Variants in MYO5B observed in about 807,000 individuals in gnomAD.
The protein encoded by MYO5B is myosin VB.
In MYO5B, 143 loss-of-function variants were observed where a neutral mutation model predicts 229.3. The observed-to-expected ratio is 0.62, with a 90% CI of 0.54 to 0.72. The LOEUF (loss-of-function observed/expected upper bound fraction) is 0.72. MYO5B is among the 30% of genes least tolerant of loss of function. The pLI is 0.00. For missense variants in MYO5B, 2,321 were observed against 2,331.0 expected (o/e 1.00, Z 0.09); for synonymous variants, 918 against 885.2 (o/e 1.04, Z -0.66).
chr18:50,123,227 C>T (rs2032100171), intron 1 of MYO5B, among the ~76,000 whole-genome samples: 1 of 152,046 alleles, frequency 6.6e-6, no homozygotes, highest in South Asian at 2.1e-4. Flanking sequence ...ATGAAATATC[C>T]AGAATACACA....
chr18:49,990,357 G>T, intron 7 of MYO5B, 82 bp downstream of exon 7: 1 of 1,178,484 alleles, frequency 8.5e-7, no homozygotes, highest in Non-Finnish European at 1.3e-6. Context: ...CCATGACGGA[G>T]GGCTTTGAGC....
chr18:49,947,760 C>A (rs2025390404), intron 14 of MYO5B, among the ~76,000 whole-genome samples: 1 of 152,152 alleles, frequency 6.6e-6, no homozygotes, highest in Non-Finnish European at 1.5e-5. Flanking sequence ...TTGTTTAAAA[C>A]CTGTACATAG....
chr18:49,932,666 A>AAAAC (rs369317526), intron 16 of MYO5B, among the ~76,000 whole-genome samples: 171 of 152,288 alleles, frequency 1.1e-3, no homozygotes, highest in African/African-American at 3.1e-3. Flanking sequence ...CTATGTTACA[A>AAAAC]AAACAAACAA....
At chr18:50,143,190 A>G (rs1053773840) in intron 1 of MYO5B, among the ~76,000 whole-genome samples, 6 of 152,236 alleles carry the variant, frequency 3.9e-5, no homozygotes, top group Non-Finnish European at 8.8e-5. Flanking sequence ...TTGACAAACT[A>G]GTGAGTACTC....
At chr18:49,875,942 A>C in intron 25 of MYO5B, 115 bp from the exon 26 acceptor site, 1 of 1,225,442 alleles carries the variant, frequency 8.2e-7, no homozygotes, top group Non-Finnish European at 1.2e-6. Flanking sequence ...CTCCTCCCAA[A>C]CATCAATTTG....
At chr18:49,944,318 C>T (rs750302994) in intron 14 of MYO5B, among the ~76,000 whole-genome samples, 3 of 152,086 alleles carry the variant, frequency 2.0e-5, no homozygotes, top group Non-Finnish European at 4.4e-5. Context: ...GTCCAAGCAA[C>T]AATGCACCAC....
At chr18:49,968,033 C>T (rs1338799513) in intron 10 of MYO5B, among the ~76,000 whole-genome samples, 1 of 152,170 alleles carries the variant, frequency 6.6e-6, no homozygotes, top group African/African-American at 2.4e-5. Flanking sequence ...GTATGGCGAT[C>T]CTCTCCCAAC....
intron 26 of MYO5B, among the ~76,000 whole-genome samples, chr18:49,872,949 A>T (rs201936682): frequency 6.6e-6 from 1 of 152,202 alleles, no homozygotes; most frequent in East Asian, 1.9e-4. Flanking sequence ...CTCTAGTAAC[A>T]AGGCTAACAA....
intron 3 of MYO5B, among the ~76,000 whole-genome samples, chr18:50,038,406 G>T (rs574393717): frequency 1.9e-4 from 29 of 152,290 alleles, no homozygotes; most frequent in African/African-American, 5.8e-4. Flanking sequence ...GGGTAAAAAA[G>T]ACACTCAAGT....
At chr18:49,858,918 G>A (rs540839485) in intron 29 of MYO5B, among the ~76,000 whole-genome samples, 17 of 152,340 alleles carry the variant, frequency 1.1e-4, no homozygotes, top group African/African-American at 3.6e-4. Flanking sequence ...GGGAGGGAGC[G>A]CCACCTCCTG....
intron 12 of MYO5B, among the ~76,000 whole-genome samples, chr18:49,957,093 T>C (rs2025500804): frequency 8.5e-6 from 1 of 118,238 alleles, no homozygotes; most frequent in African/African-American, 3.3e-5. Context: ...TTAAAGCTGT[T>C]AAAAATACAT....
Position 49,984,701 on chromosome 18 carries a change from A to T in MYO5B, c.946+17T>A. On this transcript the variant is annotated intron_variant, in intron 8 of 39. Coordinates refer to ENST00000285039, the MANE Select transcript of MYO5B (RefSeq NM_001080467.3). ...TCAGCCCTCGGGGCCTGCTTCCCCA[A>T]CTAAGAAGCTCCTTACCGAGGAGTG... 1 of 1,580,318 alleles carries T rather than the reference A, an allele frequency of 6.3e-7. No homozygotes were observed. Among genetic ancestry groups the T allele is most frequent in the East Asian group, 2.2e-5 (1 of 44,706 alleles).
rs199709301 is a variant in MYO5B at position 49,853,469 on chromosome 18, G to A, written c.4201C>T (p.Arg1401Trp). The part of the protein sequence containing the change: ...VEFGVQQEIS[R>W]LTNENLDLKE... ...CCCACCAGATTCTCGTTGGTCAGCC[G>A]GGATATTTCCTGCTGAACGCCGAAT... is the stretch of plus-strand genomic sequence containing the variant. The change falls in exon 31 of 40, where the codon CGG (arginine) becomes TGG (tryptophan). Residue 1401 changes from arginine to tryptophan, a missense_variant. By Grantham distance (101) the Arg-to-Trp change is moderately radical. Transcript: ENST00000285039. 79 of 1,613,714 alleles carry A rather than the reference G, an allele frequency of 4.9e-5. No individual in the cohort carries two copies. Among genetic ancestry groups the A allele is most frequent in the Non-Finnish European group, 6.4e-5 (75 of 1,179,968 alleles).
chr18:50,136,364 C>CTTTTTTTTTTTTTTTTTTTTTTCTT (rs11426659), intron 1 of MYO5B, among the ~76,000 whole-genome samples: 1 of 131,780 alleles, frequency 7.6e-6, no homozygotes, highest in Non-Finnish European at 1.6e-5. Context: ...TTTTTTTTTA[C>CTTTTTTTTTTTTTTTTTTTTTTCTT]TTTTTTTTTT....
intron 1 of MYO5B, among the ~76,000 whole-genome samples, chr18:50,117,693 A>G (rs1173975806): frequency 6.6e-6 from 1 of 152,124 alleles, no homozygotes; most frequent in African/African-American, 2.4e-5. Flanking sequence ...CCAGCACAGC[A>G]GGAGAGAAAG....
At chr18:49,917,691 G>A (rs1364900900) in intron 17 of MYO5B, among the ~76,000 whole-genome samples, 3 of 152,182 alleles carry the variant, frequency 2.0e-5, no homozygotes, top group Admixed American at 6.5e-5. Context: ...AATGGTGGGA[G>A]AAGAGCCCTC....
intron 17 of MYO5B, among the ~76,000 whole-genome samples, chr18:49,920,089 T>C (rs983273228): frequency 1.3e-5 from 2 of 152,224 alleles, no homozygotes; most frequent in Non-Finnish European, 2.9e-5. Context: ...ATTCCATTTA[T>C]ATGAAAAATC....
At chr18:49,992,520 T>TG in intron 5 of MYO5B, 89 bp from the exon 6 acceptor site, 2 of 1,570,402 alleles carry the variant, frequency 1.3e-6, no homozygotes, top group Non-Finnish European at 1.8e-6. Context: ...TGTGTCCCCT[T>TG]TCTCTTCCTT....
In MYO5B at chr18:49,902,766, A is replaced by T; in HGVS notation, c.2639T>A (p.Phe880Tyr). The T allele has an allele frequency of 2.5e-6, 4 of 1,605,838 alleles. No homozygotes were observed. The highest frequency in any genetic ancestry group is 3.4e-6 in the Non-Finnish European group (4 of 1,179,976). Residue 880 changes from phenylalanine (F) to tyrosine (Y), a missense_variant, in exon 21 of 40, where the codon TTC (phenylalanine) becomes TAC (tyrosine). Physicochemically the swap from Phe to Tyr is conservative, Grantham distance 22. Coordinates refer to ENST00000285039, the MANE Select transcript of MYO5B (RefSeq NM_001080467.3). The stretch of plus-strand genomic sequence containing the variant: ...AATGGCTGCATCCCGCAGCCGCTGG[A>T]AGTGCCTGCGTGCCATCCAGCCCCG... ...HVRGWMARRH[F>Y]QRLRDAAIVI...
Sources: gnomAD v4.1 joint callset for allele counts (sites outside exome capture counted in the v4.1 genomes callset) on GRCh38, gnomAD v4.1.1 for gene constraint, MANE v1.5 for transcripts, NCBI Gene and HGNC (gene_info 2026-07-23, HGNC 2026-07-21) for gene names.